ENTREP2: variants seen among roughly 807,000 people sequenced by gnomAD.
ENTREP2 encodes the protein protein ENTREP2.
the ENTREP2 span, among the ~76,000 whole-genome samples, chr15:29,325,047 T>C: frequency 6.6e-6 from 1 of 152,162 alleles, no homozygotes; most frequent in African/African-American, 2.4e-5. Flanking sequence ...AAGATGGAAA[T>C]TCCCAAATAC....
At chr15:29,557,832 C>G in the ENTREP2 span, among the ~76,000 whole-genome samples, 2 of 152,216 alleles carry the variant, frequency 1.3e-5, no homozygotes, top group African/African-American at 4.8e-5. Flanking sequence ...TCACTGGGAA[C>G]TCTCAGGAAT....
At chr15:29,379,653 T>C in the ENTREP2 span, among the ~76,000 whole-genome samples, 1 of 152,252 alleles carries the variant, frequency 6.6e-6, no homozygotes, top group South Asian at 2.1e-4. Flanking sequence ...CCTGCTTCCC[T>C]GGCTTCCCTG....
the ENTREP2 span, among the ~76,000 whole-genome samples, chr15:29,658,470 A>C: frequency 6.6e-6 from 1 of 152,148 alleles, no homozygotes; most frequent in Non-Finnish European, 1.5e-5. Context: ...TGGTTATCAA[A>C]AAGCGGAATG....
At chr15:29,275,160 C>T in the ENTREP2 span, among the ~76,000 whole-genome samples, 12 of 152,106 alleles carry the variant, frequency 7.9e-5, no homozygotes, top group African/African-American at 2.4e-4. Context: ...ATATTTTGGG[C>T]GGGCAGCATA....
the ENTREP2 span, among the ~76,000 whole-genome samples, chr15:29,262,494 G>C: frequency 6.6e-6 from 1 of 152,224 alleles, no homozygotes; most frequent in African/African-American, 2.4e-5. Flanking sequence ...CCTATGTAAT[G>C]AAGCTTCCAT....
the ENTREP2 span, chr15:29,268,627 CACA>C: frequency 3.9e-5 from 22 of 571,300 alleles, no homozygotes; most frequent in African/African-American, 3.6e-4. Flanking sequence ...AGCAAAATAA[CACA>C]ACATTAAAAA....
At chr15:29,653,546 T>A in the ENTREP2 span, among the ~76,000 whole-genome samples, 1 of 151,276 alleles carries the variant, frequency 6.6e-6, no homozygotes, top group Non-Finnish European at 1.5e-5. Context: ...TGAGATGTCA[T>A]GAGATCCGAT....
At chr15:29,424,251 T>G in the ENTREP2 span, among the ~76,000 whole-genome samples, 1 of 152,160 alleles carries the variant, frequency 6.6e-6, no homozygotes, top group Non-Finnish European at 1.5e-5. Context: ...GTGGACCCCA[T>G]GGGGCTCCCA....
chr15:29,126,417 G>T, the ENTREP2 span: 56 of 1,549,572 alleles, frequency 3.6e-5, no homozygotes, highest in East Asian at 4.4e-4. Context: ...GCGCCCACAG[G>T]GCCATCGGGG....
the ENTREP2 span, among the ~76,000 whole-genome samples, chr15:29,382,135 G>A: frequency 2.6e-4 from 40 of 152,098 alleles, no homozygotes; most frequent in African/African-American, 8.7e-4. Flanking sequence ...CTAGGCACAC[G>A]CTTGTATTCC....
the ENTREP2 span, among the ~76,000 whole-genome samples, chr15:29,451,415 C>T: frequency 1.3e-5 from 2 of 152,166 alleles, no homozygotes; most frequent in Admixed American, 1.3e-4. Context: ...TCTGCAGACA[C>T]AGCACACCGA....
chr15:29,209,686 G>A, the ENTREP2 span, among the ~76,000 whole-genome samples: 2 of 152,020 alleles, frequency 1.3e-5, no homozygotes, highest in African/African-American at 2.4e-5. Flanking sequence ...TGGTTCCTCC[G>A]CCTGGAAAGT....
the ENTREP2 span, among the ~76,000 whole-genome samples, chr15:29,667,350 G>T: frequency 1.8e-3 from 269 of 151,520 alleles, no homozygotes; most frequent in African/African-American, 6.3e-3. Context: ...ACCATGCCCG[G>T]CTAATTTTTT....
chr15:29,464,078 G>A, the ENTREP2 span, among the ~76,000 whole-genome samples: 110 of 152,140 alleles, frequency 7.2e-4, no homozygotes, highest in Non-Finnish European at 1.4e-3. Flanking sequence ...GTTCAATGGG[G>A]ACAGTTTTAG....
the ENTREP2 span, among the ~76,000 whole-genome samples, chr15:29,437,447 C>G: frequency 6.6e-6 from 1 of 152,278 alleles, no homozygotes; most frequent in East Asian, 1.9e-4. Flanking sequence ...TATTAATTGG[C>G]CTGTTTTAAA....
chr15:29,598,178 C>A, the ENTREP2 span, among the ~76,000 whole-genome samples: 2 of 152,096 alleles, frequency 1.3e-5, no homozygotes, highest in African/African-American at 4.8e-5. Flanking sequence ...AATTCTCTTC[C>A]AAAGTGGCTG....
At chr15:29,332,178 A>G in the ENTREP2 span, among the ~76,000 whole-genome samples, 1 of 152,238 alleles carries the variant, frequency 6.6e-6, no homozygotes, top group South Asian at 2.1e-4. Context: ...AAAGTTGTTA[A>G]ATTTCTCATC....
chr15:29,475,477 T>C, the ENTREP2 span, among the ~76,000 whole-genome samples: 1 of 152,098 alleles, frequency 6.6e-6, no homozygotes, highest in East Asian at 1.9e-4. Flanking sequence ...CACCGCACCT[T>C]GGAATGCATT....
At chr15:29,322,960 T>C in the ENTREP2 span, among the ~76,000 whole-genome samples, 3 of 152,234 alleles carry the variant, frequency 2.0e-5, no homozygotes, top group Admixed American at 1.3e-4. Context: ...TTTACGGTAA[T>C]AATAGTCAAC....
Sources: allele counts gnomAD v4.1 joint callset (sites outside exome capture counted in the v4.1 genomes callset), GRCh38; gene constraint gnomAD v4.1.1; transcripts MANE v1.5; gene names NCBI Gene and HGNC (gene_info 2026-07-23, HGNC 2026-07-21).